Variants in RBFOX1 observed in about 807,000 individuals in gnomAD.
RBFOX1 encodes the protein RNA binding protein fox-1 homolog 1.
A neutral mutation model predicts 57.7 loss-of-function variants in RBFOX1; 8 were observed. The ratio of observed to expected loss-of-function variants is 0.14; its 90% CI spans 0.08 to 0.25. RBFOX1 has a LOEUF of 0.25. Ranked by LOEUF, RBFOX1 falls within the 10% of genes least tolerant of loss-of-function variation. RBFOX1 has a pLI of 1.00. For missense variants in RBFOX1, 611 were observed against 548.5 expected, an observed-to-expected ratio of 1.11 and a Z score of -1.14; for synonymous variants, 326 against 222.4, an observed-to-expected ratio of 1.47 and a Z score of -4.15.
At chr16:5,419,861 C>A (rs116567846) in intron 1 of RBFOX1, among the ~76,000 whole-genome samples, 1 of 152,038 alleles carries the variant, frequency 6.6e-6, no homozygotes, top group Admixed American at 6.6e-5. Context: ...CCCGTAGGAG[C>A]AGAGAGGGAC....
chr16:6,740,588 C>G (rs2154182052), intron 3 of RBFOX1, among the ~76,000 whole-genome samples: 1 of 152,296 alleles, frequency 6.6e-6, no homozygotes, highest in Middle Eastern at 3.4e-3. Flanking sequence ...TTCTAAATTT[C>G]TTACAGTAAA....
At chr16:5,590,055 AC>A (rs2046955815) in intron 2 of RBFOX1, among the ~76,000 whole-genome samples, 1 of 143,092 alleles carries the variant, frequency 7.0e-6, no homozygotes, top group African/African-American at 2.7e-5. Context: ...TTACACACAC[AC>A]ACACACACAC....
chr16:7,641,349 A>T (rs2062756641), intron 11 of RBFOX1, among the ~76,000 whole-genome samples: 2 of 152,196 alleles, frequency 1.3e-5, no homozygotes, highest in African/African-American at 4.8e-5. Flanking sequence ...CCAGTAATGT[A>T]AACACGTGCT....
intron 1 of RBFOX1, among the ~76,000 whole-genome samples, chr16:6,150,988 T>C (rs1170453549): frequency 6.6e-6 from 1 of 152,188 alleles, no homozygotes; most frequent in Non-Finnish European, 1.5e-5. Flanking sequence ...GTTCCTGCTG[T>C]TCTCCAGGAT....
At chr16:5,585,719 G>T (rs1036884464) in intron 2 of RBFOX1, among the ~76,000 whole-genome samples, 1 of 152,230 alleles carries the variant, frequency 6.6e-6, no homozygotes, top group African/African-American at 2.4e-5. Flanking sequence ...CAGCATTTAT[G>T]CAGGGTGTAG....
At chr16:6,758,746 C>G (rs991386410) in intron 3 of RBFOX1, among the ~76,000 whole-genome samples, 3 of 152,060 alleles carry the variant, frequency 2.0e-5, no homozygotes, top group African/African-American at 7.2e-5. Context: ...TGCCAAGGAA[C>G]CTGACTACAG....
chr16:7,185,684 A>G (rs1207567111), intron 4 of RBFOX1, among the ~76,000 whole-genome samples: 1 of 152,190 alleles, frequency 6.6e-6, no homozygotes, highest in Non-Finnish European at 1.5e-5. Flanking sequence ...TATGCGGTTT[A>G]TCTTCAAAGG....
chr16:6,190,382 T>C (rs2097133999), intron 1 of RBFOX1, among the ~76,000 whole-genome samples: 1 of 152,222 alleles, frequency 6.6e-6, no homozygotes, highest in Non-Finnish European at 1.5e-5. Context: ...GTGTCAGGTA[T>C]GTAGCATCCG....
At chr16:5,759,646 T>C (rs907442056) in intron 3 of RBFOX1, among the ~76,000 whole-genome samples, 1 of 152,106 alleles carries the variant, frequency 6.6e-6, no homozygotes, top group Non-Finnish European at 1.5e-5. Flanking sequence ...GAAGCAAAGC[T>C]CTCATGCTGA....
intron 4 of RBFOX1, among the ~76,000 whole-genome samples, chr16:7,206,032 G>A (rs1344122074): frequency 6.6e-6 from 1 of 152,232 alleles, no homozygotes; most frequent in Non-Finnish European, 1.5e-5. Context: ...CCACCCAGAG[G>A]CGAGTAGGAT....
intron 3 of RBFOX1, among the ~76,000 whole-genome samples, chr16:6,741,153 A>G (rs2071962020): frequency 6.6e-6 from 1 of 152,300 alleles, no homozygotes; most frequent in South Asian, 2.1e-4. Flanking sequence ...TGCTGGAACA[A>G]TTGGCTATTT....
intron 1 of RBFOX1, among the ~76,000 whole-genome samples, chr16:6,250,206 T>G (rs1294129711): frequency 6.6e-6 from 1 of 152,146 alleles, no homozygotes; most frequent in South Asian, 2.1e-4. Context: ...AGGGACTATC[T>G]TTTTTTCCCT....
chr16:5,405,031 C>T (rs968891092), intron 1 of RBFOX1, among the ~76,000 whole-genome samples: 5 of 152,148 alleles, frequency 3.3e-5, no homozygotes, highest in African/African-American at 1.2e-4. Context: ...GAGTTAGGTA[C>T]TGTTATTATT....
intron 3 of RBFOX1, among the ~76,000 whole-genome samples, chr16:6,985,852 A>ATTTTTTTTTTTTTT (rs137915101): frequency 2.2e-5 from 3 of 135,622 alleles, no homozygotes; most frequent in Non-Finnish European, 3.1e-5. Flanking sequence ...AAAAAACAGA[A>ATTTTTTTTTTTTTT]TTTTTTTTTC....
At chr16:6,804,853 A>T (rs2154260846) in intron 3 of RBFOX1, among the ~76,000 whole-genome samples, 1 of 152,294 alleles carries the variant, frequency 6.6e-6, no homozygotes, top group South Asian at 2.1e-4. Context: ...TGTCCTCCAT[A>T]GTCAATTTCA....
chr16:6,187,940 G>A (rs1475566580), intron 1 of RBFOX1, among the ~76,000 whole-genome samples: 2 of 152,166 alleles, frequency 1.3e-5, no homozygotes, highest in African/African-American at 2.4e-5. Flanking sequence ...GTGTGCACAT[G>A]AATGTGTGTA....
chr16:7,684,675 C>A (rs948759791), intron 14 of RBFOX1, among the ~76,000 whole-genome samples: 2 of 151,264 alleles, frequency 1.3e-5, no homozygotes, highest in Non-Finnish European at 2.9e-5. Flanking sequence ...TCAATTCTTG[C>A]CTTTCATGGT....
At chr16:5,660,633 C>G (rs1005128419) in intron 3 of RBFOX1, among the ~76,000 whole-genome samples, 2 of 152,112 alleles carry the variant, frequency 1.3e-5, no homozygotes, top group African/African-American at 4.8e-5. Flanking sequence ...ACATTTCTTT[C>G]TCTGCACAGT....
intron 1 of RBFOX1, among the ~76,000 whole-genome samples, chr16:6,078,664 G>A (rs145293323): frequency 1.4e-3 from 180 of 127,898 alleles, no homozygotes; most frequent in African/African-American, 4.3e-3. Context: ...AGGAGGCTGA[G>A]ACAAGGCAGG....
Sources: allele counts gnomAD v4.1 joint callset (sites outside exome capture counted in the v4.1 genomes callset), GRCh38; gene constraint gnomAD v4.1.1; transcripts MANE v1.5; gene names NCBI Gene and HGNC (gene_info 2026-07-23, HGNC 2026-07-21).